Variants in HRC observed in about 807,000 individuals in gnomAD.
The protein encoded by HRC is histidine rich calcium binding protein, also known as sarcoplasmic reticulum histidine-rich calcium-binding protein.
HRC carries 41 observed loss-of-function variants against 61.4 expected under a neutral mutation model. That is an observed-to-expected ratio of 0.67 (90% CI 0.52 to 0.87). HRC has a LOEUF of 0.87. Ranked by LOEUF, HRC falls within the 40% of genes least tolerant of loss-of-function variation. The probability of loss-of-function intolerance (pLI) is 0.00; values close to 1 mark genes in which losing one functional copy is unlikely to be tolerated. For synonymous variants in HRC, 308 were observed against 326.6 expected, an observed-to-expected ratio of 0.94 and a Z score of 0.62; for missense variants, 839 against 885.8, an observed-to-expected ratio of 0.95 and a Z score of 0.67.
chr19:49,151,558 G>T lies in HRC; in HGVS notation c.2027-5C>A. The T allele has an allele frequency of 6.2e-7, 1 of 1,613,492 alleles. No homozygotes were observed. Among genetic ancestry groups the T allele is most frequent in the Non-Finnish European group, 8.5e-7 (1 of 1,179,982 alleles). Reference sequence around the variant, plus strand: ...AGAAATAGTCAACGTAGCTTCCTGTGGGACAGCAGAGAAAAGAGGCTTGAG... The same window carrying T: ...AGAAATAGTCAACGTAGCTTCCTGTTGGACAGCAGAGAAAAGAGGCTTGAG... On this transcript the variant is annotated splice_region_variant and splice_polypyrimidine_tract_variant and intron_variant, in intron 4 of 5. Coordinates refer to ENST00000252825, the MANE Select transcript of HRC (RefSeq NM_002152.3).
At position 49,154,488 on chromosome 19, in the gene HRC, ATCATCATCG is replaced by A; in HGVS notation, c.741_749del (p.Asp259_Asp261del). The stretch of plus-strand genomic sequence containing the variant: ...CATCATCATCATCATCATCATCATC[ATCATCATCG>A]TCATCTTCTTCATGGCCTTGGTGCC... On this transcript the variant is annotated inframe_deletion, in exon 1 of 6. Coordinates refer to ENST00000252825, the MANE Select transcript of HRC (RefSeq NM_002152.3). 7.0e-6 allele frequency: 11 copies of A among 1,577,722 alleles called. No homozygotes were observed. The highest frequency in any genetic ancestry group is 8.6e-6 in the Non-Finnish European group (10 of 1,158,528).
chr19:49,151,982 C>T (rs964461945), intron 4 of HRC, 22 bp downstream of exon 4: 8 of 1,613,210 alleles, frequency 5.0e-6, no homozygotes, highest in East Asian at 2.2e-5. Context: ...TCAGGTTTTT[C>T]CAGGGCCCCG....
At chr19:49,151,753 T>C (rs2041361597) in intron 4 of HRC, among the ~76,000 whole-genome samples, 200 bp from the exon 5 acceptor site, 1 of 152,166 alleles carries the variant, frequency 6.6e-6, no homozygotes, top group African/African-American at 2.4e-5. Context: ...CGATTCCTAC[T>C]TGAGTTGGCC....
At chr19:49,152,280 T>G in intron 3 of HRC, 30 bp downstream of exon 3, 1 of 1,593,714 alleles carries the variant, frequency 6.3e-7, no homozygotes, top group South Asian at 1.1e-5. Flanking sequence ...TGAGGCCCAG[T>G]GGAGCCTTGA....
Position 49,155,049 on chromosome 19 carries a change from G to C in HRC, c.189C>G (p.Ser63Arg). The change falls in exon 1 of 6, where the codon AGC (serine) becomes AGG (arginine). Residue 63 changes from serine (S) to arginine (R), a missense_variant. By Grantham distance (110) the Ser-to-Arg change is moderately radical. Transcript: ENST00000252825. This position sits in a 1 kb window ranked among gnomAD's most constrained non-coding sequence, Gnocchi z 4.7. Reference sequence around the variant, plus strand: ...TGTTCTCATCTGGATGGTCTCTAGGGCTGTGGAGGTGGTGGCGAAGCTCTG... The same window carrying C: ...TGTTCTCATCTGGATGGTCTCTAGGCCTGTGGAGGTGGTGGCGAAGCTCTG... ...ASAELRHHLH[S>R]PRDHPDENKD... 1 of 1,614,210 alleles carries C rather than the reference G, an allele frequency of 6.2e-7. No homozygotes were observed. The highest frequency in any genetic ancestry group is 8.5e-7 in the Non-Finnish European group (1 of 1,180,044).
chr19:49,151,433 A>T (rs940610772), intron 5 of HRC, 84 bp downstream of exon 5: 1 of 1,575,646 alleles, frequency 6.3e-7, no homozygotes, highest in Non-Finnish European at 8.7e-7. Context: ...GGGGAAATGG[A>T]GTCCCAGAGT....
In HRC at chr19:49,153,798, A is replaced by T; in HGVS notation, c.1440T>A (p.Asp480Glu). The change falls in exon 1 of 6, where the codon GAT (aspartate) becomes GAA (glutamate). Residue 480 changes from aspartate to glutamate, a missense_variant. Transcript: ENST00000252825. The surrounding 1 kb of genome is among the most constrained non-coding windows in gnomAD (Gnocchi z 4.8). The stretch of plus-strand genomic sequence containing the variant: ...CCTTCTCCTTTTCCTCCTCAGAATC[A>T]TCCTTCCTCAAATGGCTTCTATCCT... ...VVKDRSHLRK[D>E]DSEEEKEKEE... The T allele has an allele frequency of 6.2e-7, 1 of 1,613,712 alleles. No individual in the cohort carries two copies. The highest frequency in any genetic ancestry group is 8.5e-7 in the Non-Finnish European group (1 of 1,179,964).
chr19:49,155,011 G>T lies in HRC; in HGVS notation c.227C>A (p.Thr76Lys). The change falls in exon 1 of 6, where the codon ACA becomes AAA. Residue 76 changes from threonine to lysine, a missense_variant. Thr to Lys is a moderately conservative substitution (Grantham distance 78). Transcript: ENST00000252825. The surrounding 1 kb of genome is among the most constrained non-coding windows in gnomAD (Gnocchi z 4.7). ...GCTCCAGAAATGATGCCCATTCTCT[G>T]TGGAAACATCCTTGTTCTCATCTGG... ...DHPDENKDVSTENGHHFWSHP... is the reference protein window; with the variant it reads ...DHPDENKDVSKENGHHFWSHP... The T allele has an allele frequency of 6.2e-7, 1 of 1,614,236 alleles. No individual in the cohort carries two copies. The highest frequency in any genetic ancestry group is 8.5e-7 in the Non-Finnish European group (1 of 1,180,044).
Position 49,152,070 on chromosome 19 carries a change from G to C in HRC, c.1972-12C>G. On this transcript the variant is annotated splice_polypyrimidine_tract_variant and intron_variant, in intron 3 of 5. Coordinates refer to ENST00000252825, the MANE Select transcript of HRC (RefSeq NM_002152.3). The stretch of plus-strand genomic sequence containing the variant: ...CAGAACTGACAGTGCTGGAGGCGGG[G>C]ACGGGGAGAGAGAGTGAGCGTGGGG... The C allele has an allele frequency of 6.2e-7, 1 of 1,613,600 alleles. No homozygotes were observed. Among genetic ancestry groups the C allele is most frequent in the East Asian group, 2.2e-5 (1 of 44,882 alleles).
chr19:49,154,545 G>A lies in HRC; in HGVS notation c.693C>T (p.His231=), dbSNP rs753501665. The change falls in exon 1 of 6, where the codon CAC becomes CAT. Residue 231 remains histidine (H), a synonymous_variant. Transcript: ENST00000252825. The part of the protein sequence containing the change: ...SEEDEDVSDG[H]HHHGPSHRHQ... ...GCCTGTGGCTGGGGCCATGATGATG[G>A]TGTCCATCTGAGACATCCTCATCCT... The A allele has an allele frequency of 6.2e-7, 1 of 1,612,430 alleles. No homozygotes were observed. Among genetic ancestry groups the A allele is most frequent in the East Asian group, 2.2e-5 (1 of 44,824 alleles).
intron 3 of HRC, 44 bp from the exon 4 acceptor site, chr19:49,152,102 C>CGGGGGCGGAGTTAGGAT (rs1568444550): frequency 3.2e-6 from 5 of 1,579,388 alleles, no homozygotes; most frequent in Non-Finnish European, 4.4e-6. Flanking sequence ...GGGGCGTGGC[C>CGGGGGCGGAGTTAGGAT]GGGGGCGGAG....
chr19:49,154,434 G>A lies in HRC; in HGVS notation c.804C>T (p.His268=), dbSNP rs1348661552. ...CGTGGCCTTGGTGCCTGTGAGCCTG[G>A]TGTCTATATTCAATGGAGACATCAT... The part of the protein sequence containing the change: ...DDDDVSIEYR[H]QAHRHQGHGI... Residue 268 remains histidine, a synonymous_variant, in exon 1 of 6, where the codon CAC becomes CAT. Coordinates refer to ENST00000252825, the MANE Select transcript of HRC (RefSeq NM_002152.3). 4 of 1,586,252 alleles carry A rather than the reference G, an allele frequency of 2.5e-6. No homozygotes were observed. In the African/African-American group the frequency reaches 4.1e-5, roughly 16 times the overall value.
Position 49,153,557 on chromosome 19 carries a change from G to C in HRC, c.1681C>G (p.Pro561Ala), listed in dbSNP as rs2041382661. Reference protein sequence around the residue: ...RREERAEVGAPLSPDHSEEEE... With the variant: ...RREERAEVGAALSPDHSEEEE... Reference sequence around the variant, plus strand: ...TCCTCGCTGTGGTCTGGGCTCAGTGGGGCCCCAACCTCAGCCCTCTCTTCC... The same window carrying C: ...TCCTCGCTGTGGTCTGGGCTCAGTGCGGCCCCAACCTCAGCCCTCTCTTCC... Residue 561 changes from proline to alanine, a missense_variant, in exon 1 of 6, where the codon CCA (proline) becomes GCA (alanine). Transcript: ENST00000252825. This position sits in a 1 kb window ranked among gnomAD's most constrained non-coding sequence, Gnocchi z 4.8. 1.9e-6 allele frequency: 3 copies of C among 1,569,528 alleles called. No individual in the cohort carries two copies. The highest frequency in any genetic ancestry group is 3.6e-5 in the Admixed American group (2 of 56,048).
rs1447119025 is a variant in HRC at position 49,154,712 on chromosome 19, G to A, written c.526C>T (p.His176Tyr). Residue 176 changes from histidine (H) to tyrosine (Y), a missense_variant, in exon 1 of 6, where the codon CAT becomes TAT. By Grantham distance (83) the His-to-Tyr change is moderately conservative. Coordinates refer to ENST00000252825, the MANE Select transcript of HRC (RefSeq NM_002152.3). ...DEVVSSEHHH[H>Y]ILRHGHRGHD... ...CCTCGGTGTCCATGCCTGAGGATATGATGGTGATGCTCACTGGACACAACT... is the reference window on the plus strand; with the variant it reads ...CCTCGGTGTCCATGCCTGAGGATATAATGGTGATGCTCACTGGACACAACT... 6.2e-7 allele frequency: 1 copy of A among 1,613,852 alleles called. No homozygotes were observed.
At chr19:49,152,099 G>C in intron 3 of HRC, 41 bp from the exon 4 acceptor site, 1 of 1,579,520 alleles carries the variant, frequency 6.3e-7, no homozygotes, top group Non-Finnish European at 8.7e-7. Flanking sequence ...CGTGGGGCGT[G>C]GCCGGGGGCG....
At position 49,153,341 on chromosome 19, in the gene HRC, C is replaced by T. The variant is rs999520609; in HGVS notation, c.1832-10G>A. ...TGAGCATCCTGTGGACCTGCGGGGA[C>T]AGGAGGGCAGCAGTGACCCAGGCTG... On this transcript the variant is annotated splice_polypyrimidine_tract_variant and intron_variant, in intron 1 of 5. Coordinates refer to ENST00000252825, the MANE Select transcript of HRC (RefSeq NM_002152.3). The surrounding 1 kb of genome is among the most constrained non-coding windows in gnomAD (Gnocchi z 4.8). 2 of 1,613,646 alleles carry T rather than the reference C, an allele frequency of 1.2e-6. No homozygotes were observed. Among genetic ancestry groups the T allele is most frequent in the South Asian group, 1.1e-5 (1 of 91,060 alleles).
In HRC at chr19:49,154,450, G is replaced by A. The variant is rs1317382508; in HGVS notation, c.788C>T (p.Ser263Phe). Residue 263 changes from serine (S) to phenylalanine (F), a missense_variant, in exon 1 of 6, where the codon TCC becomes TTC. Coordinates refer to ENST00000252825, the MANE Select transcript of HRC (RefSeq NM_002152.3). ...DDDDDDDDDV[S>F]IEYRHQAHRH... is the part of the protein sequence containing the mutation. ...GTGAGCCTGGTGTCTATATTCAATGGAGACATCATCATCATCATCATCATC... is the reference window on the plus strand; with the variant it reads ...GTGAGCCTGGTGTCTATATTCAATGAAGACATCATCATCATCATCATCATC... 1.3e-6 allele frequency: 2 copies of A among 1,570,878 alleles called. No individual in the cohort carries two copies. The highest frequency in any genetic ancestry group is 1.7e-6 in the Non-Finnish European group (2 of 1,155,396).
chr19:49,151,420 G>A, intron 5 of HRC, 88 bp from the exon 6 acceptor site: 1 of 1,579,150 alleles, frequency 6.3e-7, no homozygotes, highest in Non-Finnish European at 8.7e-7. Flanking sequence ...CCATTTCATG[G>A]ACGGGGAAAT....
Position 49,151,211 on chromosome 19 carries a change from G to T in HRC, c.*85C>A. The T allele has an allele frequency of 8.2e-7, 1 of 1,214,350 alleles. No homozygotes were observed. The highest frequency in any genetic ancestry group is 1.1e-6 in the Non-Finnish European group (1 of 870,886). The allele number at this position is 1,214,350 out of a possible 1,614,324, so 75.2% of individuals were successfully genotyped here. A position where few individuals can be genotyped will look rare whatever the true frequency, so the allele number is the denominator to read the frequency against. On this transcript the variant is annotated 3_prime_UTR_variant, in exon 6 of 6. Coordinates refer to ENST00000252825, the MANE Select transcript of HRC (RefSeq NM_002152.3). ...CTGACAATGAGGTTTCGGGGAGCACGTTTATTCGGAGAAATAAATATAGCT... is the reference window on the plus strand; with the variant it reads ...CTGACAATGAGGTTTCGGGGAGCACTTTTATTCGGAGAAATAAATATAGCT...
Sources: allele counts gnomAD v4.1 joint callset (sites outside exome capture counted in the v4.1 genomes callset), GRCh38; gene constraint gnomAD v4.1.1; non-coding constraint Gnocchi (gnomAD v3.1); transcripts MANE v1.5; gene names NCBI Gene and HGNC (gene_info 2026-07-23, HGNC 2026-07-21).